CYP2A6: variants seen among roughly 807,000 people sequenced by gnomAD.
The protein encoded by CYP2A6 is cytochrome P450 family 2 subfamily A member 6.
CYP2A6 carries 27 observed loss-of-function variants against 42.3 expected under a neutral mutation model. The observed-to-expected ratio is 0.64, with a 90% CI of 0.47 to 0.88. The LOEUF is 0.88. Among genes scored for constraint, CYP2A6 ranks in the 40% least tolerant of loss-of-function variants. The pLI is 0.00. For synonymous variants in CYP2A6, 238 were observed against 246.3 expected (o/e 0.97, Z 0.31); for missense variants, 628 against 646.0 (o/e 0.97, Z 0.30).
chr19:40,848,475 AT>A, intron 3 of CYP2A6, 96 bp from the exon 4 acceptor site: 1 of 1,586,438 alleles, frequency 6.3e-7, no homozygotes, highest in Non-Finnish European at 8.6e-7. Context: ...GTTGAGCCAA[AT>A]TCCCAGCGCC....
chr19:40,846,214 C>T, intron 5 of CYP2A6, 117 bp from the exon 6 acceptor site: 1 of 1,408,862 alleles, frequency 7.1e-7, no homozygotes, highest in South Asian at 1.4e-5. Flanking sequence ...AAGAGGGACC[C>T]TAGATCTACC....
At chr19:40,846,425 A>C (rs1967100779) in intron 5 of CYP2A6, among the ~76,000 whole-genome samples, 1 of 150,828 alleles carries the variant, frequency 6.6e-6, no homozygotes, top group South Asian at 2.1e-4. Context: ...AGCTCAAGCA[A>C]TCCTCCAGCC....
chr19:40,844,273 T>C (rs1233618956), intron 8 of CYP2A6, among the ~76,000 whole-genome samples: 9 of 151,508 alleles, frequency 5.9e-5, no homozygotes, highest in African/African-American at 1.9e-4. Flanking sequence ...CACACATCCA[T>C]CATAGATGGG....
At chr19:40,849,271 G>T (rs576524900) in intron 2 of CYP2A6, among the ~76,000 whole-genome samples, 1 of 150,948 alleles carries the variant, frequency 6.6e-6, no homozygotes, top group Admixed American at 6.6e-5. Flanking sequence ...TCTGGGAGGA[G>T]GAAATAAAAA....
intron 7 of CYP2A6, 86 bp downstream of exon 7, chr19:40,845,208 A>G: frequency 1.3e-6 from 2 of 1,554,706 alleles, no homozygotes; most frequent in Non-Finnish European, 1.8e-6. Flanking sequence ...GACAGGGTCT[A>G]GAAAGCTTCT....
At chr19:40,850,057 C>G in intron 1 of CYP2A6, 77 bp from the exon 2 acceptor site, 2 of 1,578,678 alleles carry the variant, frequency 1.3e-6, no homozygotes, top group Non-Finnish European at 1.7e-6. Context: ...ATGTCATGTG[C>G]TGGGATGCTT....
In CYP2A6 at chr19:40,849,922, A is replaced by G; in HGVS notation, c.239T>C (p.Val80Ala). Residue 80 changes from valine (V) to alanine (A), a missense_variant, in exon 2 of 9, where the codon GTG becomes GCG. Val to Ala is a moderately conservative substitution (Grantham distance 64). Around this residue, in one of 2 missense-constraint regions of CYP2A6, gnomAD observed 606 missense variants for 568.1 expected, o/e 1.07. Transcript: ENST00000301141. ...CCTGACGGCATCATGTCCACACAGC[A>G]CCACGACCCGCCGGGGCCCCAAGTG... is the stretch of plus-strand genomic sequence containing the variant. Reference protein sequence around the residue: ...TIHLGPRRVVVLCGHDAVREA... With the variant: ...TIHLGPRRVVALCGHDAVREA... 6.2e-7 allele frequency: 1 copy of G among 1,611,480 alleles called. No homozygotes were observed. Among genetic ancestry groups the G allele is most frequent in the Non-Finnish European group, 8.5e-7 (1 of 1,179,700 alleles).
At position 40,845,769 on chromosome 19, in the gene CYP2A6, A is replaced by C. The variant is rs969293173; in HGVS notation, c.973+187T>G. On this transcript the variant is annotated intron_variant, in intron 6 of 8. Coordinates refer to ENST00000301141, the MANE Select transcript of CYP2A6 (RefSeq NM_000762.6). ...ACAGAAGTGACTGACCAATCAGTGC[A>C]GACATTTTCAATATTTTAATATCTA... is the stretch of plus-strand genomic sequence containing the variant. Among the ~76,000 whole-genome samples, 41 of 151,516 alleles carry C rather than the reference A, an allele frequency of 2.7e-4. 1 individual carries two copies. Among genetic ancestry groups the C allele is most frequent in the Non-Finnish European group, 5.3e-4 (36 of 67,952 alleles).
intron 2 of CYP2A6, among the ~76,000 whole-genome samples, chr19:40,849,481 T>C (rs1967181600): frequency 6.6e-6 from 1 of 150,482 alleles, no homozygotes; most frequent in African/African-American, 2.5e-5. Context: ...GCCCAGAAGC[T>C]AAGAGGGACA....
intron 2 of CYP2A6, among the ~76,000 whole-genome samples, chr19:40,849,035 A>AGAAGAGAGAGAAGAGAGAGG (rs1386542545): frequency 8.9e-5 from 2 of 22,558 alleles, no homozygotes; most frequent in Non-Finnish European, 1.6e-4. Context: ...AGAGAGAGAG[A>AGAAGAGAGAGAAGAGAGAGG]AGAGAGAGAG....
intron 6 of CYP2A6, among the ~76,000 whole-genome samples, 167 bp downstream of exon 6, chr19:40,845,789 T>C (rs1158323701): frequency 6.6e-6 from 1 of 151,306 alleles, no homozygotes; most frequent in Non-Finnish European, 1.5e-5. Context: ...AATATTTTAA[T>C]ATCTAATGAG....
At chr19:40,845,862 G>A in intron 6 of CYP2A6, 94 bp downstream of exon 6, 68 of 1,541,240 alleles carry the variant, frequency 4.4e-5, no homozygotes, top group Non-Finnish European at 5.9e-5. Flanking sequence ...ACGTCTCAGG[G>A]TCCCGGGATC....
At chr19:40,850,153 G>A in intron 1 of CYP2A6, 94 bp downstream of exon 1, 2 of 1,541,874 alleles carry the variant, frequency 1.3e-6, no homozygotes, top group Non-Finnish European at 1.8e-6. Context: ...CATTTCCTAA[G>A]ACTCTGGTCC....
chr19:40,844,906 T>C (rs28399457), intron 7 of CYP2A6, 134 bp from the exon 8 acceptor site: 3 of 1,164,590 alleles, frequency 2.6e-6, no homozygotes, highest in African/African-American at 1.6e-5. Context: ...GGTCCTCTGA[T>C]GGAGGAGCTT....
Position 40,849,912 on chromosome 19 carries a change from T to G in CYP2A6, c.249A>C (p.Gly83=). The G allele has an allele frequency of 6.2e-7, 1 of 1,611,484 alleles. No individual in the cohort carries two copies. Among genetic ancestry groups the G allele is most frequent in the South Asian group, 1.1e-5 (1 of 90,894 alleles). The change falls in exon 2 of 9, where the codon GGA becomes GGC. Residue 83 remains glycine, a synonymous_variant. Transcript: ENST00000301141. ...CCAGAGCCTCCCTGACGGCATCATG[T>G]CCACACAGCACCACGACCCGCCGGG... is the stretch of plus-strand genomic sequence containing the variant. ...LGPRRVVVLC[G]HDAVREALVD...
intron 8 of CYP2A6, among the ~76,000 whole-genome samples, chr19:40,844,193 A>G (rs542939658): frequency 6.6e-6 from 1 of 151,078 alleles, no homozygotes; most frequent in African/African-American, 2.4e-5. Flanking sequence ...ATTACTAACA[A>G]AGTCCATAGT....
chr19:40,848,962 GAGAGAGAGAGAGAGA>G (rs1967155757), intron 2 of CYP2A6, among the ~76,000 whole-genome samples, 199 bp from the exon 3 acceptor site: 1 of 134,262 alleles, frequency 7.4e-6, no homozygotes, highest in South Asian at 2.4e-4. Flanking sequence ...GAGAGAGAGA[GAGAGAGAGAGAGAGA>G]AGAGAGAGAG....
At chr19:40,850,026 T>C (rs1459170770) in intron 1 of CYP2A6, 46 bp from the exon 2 acceptor site, 3 of 1,603,666 alleles carry the variant, frequency 1.9e-6, no homozygotes, top group Non-Finnish European at 1.7e-6. Flanking sequence ...GCCTCCACTC[T>C]GAATGGGGCC....
In CYP2A6 at chr19:40,848,238, G is replaced by C. The variant is rs185545560; in HGVS notation, c.635C>G (p.Thr212Arg). 4 of 1,611,802 alleles carry C rather than the reference G, an allele frequency of 2.5e-6. No homozygotes were observed. Among genetic ancestry groups the C allele is most frequent in the South Asian group, 1.1e-5 (1 of 90,916 alleles). The change falls in exon 4 of 9, where the codon ACG (threonine) becomes AGG (arginine). Residue 212 changes from threonine to arginine, a missense_variant. This residue lies in a region of CYP2A6 where 606 missense variants were observed against 568.1 expected (regional missense o/e 1.07). Coordinates refer to ENST00000301141, the MANE Select transcript of CYP2A6 (RefSeq NM_000762.6). ...AGTTACCTGCCCCGTGGAGGTTGAC[G>C]TGAACTGGAAGATTCCTAGCATCAT... ...LRMMLGIFQF[T>R]STSTGQLYEM...
Sources: allele counts gnomAD v4.1 joint callset (sites outside exome capture counted in the v4.1 genomes callset), GRCh38; gene constraint gnomAD v4.1.1; regional missense constraint gnomAD v4.1.1; transcripts MANE v1.5; gene names NCBI Gene and HGNC (gene_info 2026-07-23, HGNC 2026-07-21).